Variants in GLDC observed in about 807,000 individuals in gnomAD.
The protein encoded by GLDC is glycine decarboxylase.
Under a neutral mutation model 121.3 loss-of-function variants are expected in GLDC, and 104 were observed. The ratio of observed to expected loss-of-function variants is 0.86; its 90% CI spans 0.73 to 1.01. GLDC has a LOEUF of 1.01. GLDC is among the 50% of genes least tolerant of loss of function. The pLI, the probability that GLDC is intolerant of heterozygous loss-of-function variation, is 0.00. For synonymous variants in GLDC, 546 were observed against 480.6 expected (o/e 1.14, Z -1.78); for missense variants, 1,429 against 1,306.6 (o/e 1.09, Z -1.44).
chr9:6,620,708 C>T (rs758715831), intron 2 of GLDC, among the ~76,000 whole-genome samples: 10 of 152,148 alleles, frequency 6.6e-5, no homozygotes, highest in Admixed American at 2.6e-4. Context: ...TTCTAAACTG[C>T]CTCATACTCT....
At chr9:6,557,595 A>C (rs901694583) in intron 17 of GLDC, 1 of 151,922 alleles carries the variant, frequency 6.6e-6, no homozygotes, top group Non-Finnish European at 1.5e-5. Context: ...CTCCGTCTCA[A>C]AACAAACAAA....
chr9:6,559,915 C>T (rs1817716556), intron 16 of GLDC, among the ~76,000 whole-genome samples: 2 of 152,138 alleles, frequency 1.3e-5, no homozygotes, highest in Admixed American at 6.5e-5. Flanking sequence ...TGTCTAGAGT[C>T]CAGAGATGCA....
intron 15 of GLDC, among the ~76,000 whole-genome samples, chr9:6,575,506 A>C (rs148221796): frequency 1.3e-5 from 2 of 152,318 alleles, no homozygotes; most frequent in East Asian, 3.9e-4. Flanking sequence ...AGGCTCAGTA[A>C]TTGCACAAGC....
chr9:6,623,174 AGGG>A (rs1445987678), intron 2 of GLDC: 1 of 177,078 alleles, frequency 5.6e-6, no homozygotes, highest in Non-Finnish European at 1.1e-5. Context: ...GGAATAGAAA[AGGG>A]GGAAAGGTGG....
At chr9:6,535,403 C>A (rs1817104720) in intron 23 of GLDC, among the ~76,000 whole-genome samples, 1 of 151,460 alleles carries the variant, frequency 6.6e-6, no homozygotes. Flanking sequence ...AGGTGCCTGC[C>A]TTCTGCAAGT....
chr9:6,554,114 C>G (rs965165686), intron 19 of GLDC, among the ~76,000 whole-genome samples: 4 of 152,170 alleles, frequency 2.6e-5, no homozygotes, highest in African/African-American at 9.7e-5. Context: ...CTCTCATCAT[C>G]ATTTTCCCAA....
chr9:6,636,496 C>A (rs1311021933), intron 2 of GLDC, among the ~76,000 whole-genome samples: 1 of 152,092 alleles, frequency 6.6e-6, no homozygotes, highest in Non-Finnish European at 1.5e-5. Flanking sequence ...TAAAGTTGGT[C>A]GGGCAAGGTG....
At chr9:6,623,628 AAAAG>A (rs1166346252) in intron 2 of GLDC, among the ~76,000 whole-genome samples, 2 of 152,208 alleles carry the variant, frequency 1.3e-5, no homozygotes, top group Non-Finnish European at 2.9e-5. Flanking sequence ...AAAAAATAAA[AAAAG>A]AGAGAGATAT....
intron 17 of GLDC, among the ~76,000 whole-genome samples, chr9:6,557,324 G>A (rs1315895597): frequency 6.6e-6 from 1 of 152,152 alleles, no homozygotes; most frequent in Non-Finnish European, 1.5e-5. Context: ...GGCCAGGCGT[G>A]GTAGCTCACG....
intron 8 of GLDC, among the ~76,000 whole-genome samples, chr9:6,596,044 A>T (rs1048784827): frequency 6.6e-6 from 1 of 152,232 alleles, no homozygotes; most frequent in African/African-American, 2.4e-5. Context: ...CAAAGTGTAA[A>T]CACTCTTATG....
At position 6,592,187 on chromosome 9, in the gene GLDC, C is replaced by T; in HGVS notation, c.1438G>A (p.Asp480Asn). ...AAGATCCACAACAAATCGTCCAGAT[C>T]TTTTTCATTGACTGTTTCATCAAGA... ...ISLDETVNEK[D>N]LDDLLWIFGC... Residue 480 changes from aspartate (D) to asparagine (N), a missense_variant, in exon 11 of 25, where the codon GAT becomes AAT. Asp to Asn is a conservative substitution (Grantham distance 23). Coordinates refer to ENST00000321612, the MANE Select transcript of GLDC (RefSeq NM_000170.3). 6.2e-7 allele frequency: 1 copy of T among 1,608,928 alleles called. No homozygotes were observed. The highest frequency in any genetic ancestry group is 8.5e-7 in the Non-Finnish European group (1 of 1,175,446).
In GLDC at chr9:6,595,683, C is replaced by T. The variant is rs1818478305; in HGVS notation, c.1156-564G>A. ...CTGGCAAAAACGGCAATGCGCACTTCAGCTGGGAGCGGGGTGGTGTGCAAC... is the reference window on the plus strand; with the variant it reads ...CTGGCAAAAACGGCAATGCGCACTTTAGCTGGGAGCGGGGTGGTGTGCAAC... On this transcript the variant is annotated intron_variant, in intron 8 of 24. Transcript: ENST00000321612. Among the ~76,000 whole-genome samples the T allele has an allele frequency of 2.6e-5, 4 of 152,304 alleles. No homozygotes were observed. In the South Asian group the frequency reaches 8.3e-4, roughly 32 times the overall value.
intron 7 of GLDC, among the ~76,000 whole-genome samples, chr9:6,603,485 T>A (rs1477297727): frequency 6.6e-6 from 1 of 151,568 alleles, no homozygotes; most frequent in African/African-American, 2.4e-5. Context: ...GTGGCCACGT[T>A]TACACCACTG....
At chr9:6,644,048 A>AAAAAAAAAC in intron 2 of GLDC, among the ~76,000 whole-genome samples, 1 of 147,620 alleles carries the variant, frequency 6.8e-6, no homozygotes, top group Non-Finnish European at 1.5e-5. Flanking sequence ...AAAAAAAAAA[A>AAAAAAAAAC]AACGAAAAAA....
intron 3 of GLDC, among the ~76,000 whole-genome samples, chr9:6,611,187 C>T (rs774820779): frequency 4.6e-5 from 7 of 152,226 alleles, no homozygotes; most frequent in East Asian, 1.9e-4. Context: ...TAGAAGGCAA[C>T]GTAAACATGG....
At chr9:6,639,746 A>G (rs1460603927) in intron 2 of GLDC, 1 of 174,258 alleles carries the variant, frequency 5.7e-6, no homozygotes, top group African/African-American at 2.4e-5. Context: ...TTACCAGACC[A>G]TATTTAAAAA....
At chr9:6,559,127 C>T (rs1327237626) in intron 16 of GLDC, among the ~76,000 whole-genome samples, 2 of 152,146 alleles carry the variant, frequency 1.3e-5, no homozygotes, top group East Asian at 3.9e-4. Context: ...CCAAGGCCTC[C>T]CAGTACCAAT....
chr9:6,602,086 G>T (rs779534850), intron 8 of GLDC, 23 bp downstream of exon 8: 4 of 1,362,394 alleles, frequency 2.9e-6, no homozygotes, highest in Admixed American at 3.3e-5. Context: ...GCATTCAGTA[G>T]TCAGGTCAGA....
At position 6,587,159 on chromosome 9, in the gene GLDC, A is replaced by C. The variant is rs386833533; in HGVS notation, c.1832T>G (p.Val611Gly). The change falls in exon 15 of 25, where the codon GTC becomes GGC. Residue 611 changes from valine to glycine, a missense_variant. Coordinates refer to ENST00000321612, the MANE Select transcript of GLDC (RefSeq NM_000170.3). ...CCCTTACCTGTTTGGCTGGAAACAG[A>C]CCTGGTCATAACCTGTGAGTTCACA... ...DLCELTGYDQ[V>G]CFQPNSGAQG... is the part of the protein sequence containing the mutation. The C allele has an allele frequency of 6.2e-7, 1 of 1,613,688 alleles. No individual in the cohort carries two copies. Among genetic ancestry groups the C allele is most frequent in the Non-Finnish European group, 8.5e-7 (1 of 1,179,808 alleles).
Sources: gnomAD v4.1 joint callset for allele counts (sites outside exome capture counted in the v4.1 genomes callset) on GRCh38, gnomAD v4.1.1 for gene constraint, MANE v1.5 for transcripts, NCBI Gene and HGNC (gene_info 2026-07-23, HGNC 2026-07-21) for gene names.